CSMD2: variants seen among roughly 807,000 people sequenced by gnomAD.
The protein encoded by CSMD2 is CUB and sushi domain-containing protein 2.
CSMD2 carries 130 observed loss-of-function variants against 398.5 expected under a neutral mutation model. The observed-to-expected ratio is 0.33, with a 90% CI of 0.28 to 0.38. The LOEUF is 0.38. Ranked by LOEUF, CSMD2 falls within the 10% of genes least tolerant of loss-of-function variation. CSMD2 has a pLI of 1.00. For synonymous variants in CSMD2, 1,828 were observed against 1,908.5 expected, an observed-to-expected ratio of 0.96 and a Z score of 1.10; for missense variants, 3,829 against 4,764.9, an observed-to-expected ratio of 0.80 and a Z score of 5.78.
chr1:33,555,968 C>A (rs1264454964), intron 55 of CSMD2, among the ~76,000 whole-genome samples: 1 of 152,052 alleles, frequency 6.6e-6, no homozygotes, highest in Non-Finnish European at 1.5e-5. Flanking sequence ...TAAGCTGATT[C>A]TAACCCTCAT....
chr1:33,686,458 T>G (rs1218144677), intron 25 of CSMD2, among the ~76,000 whole-genome samples: 1 of 152,192 alleles, frequency 6.6e-6, no homozygotes, highest in African/African-American at 2.4e-5. Context: ...GAAGAAGCAC[T>G]TGCCAGATGC....
chr1:33,742,581 C>T (rs12120242), intron 14 of CSMD2, among the ~76,000 whole-genome samples: 15 of 109,488 alleles, frequency 1.4e-4, no homozygotes, highest in Non-Finnish European at 2.4e-4. Context: ...GCTTCTGCCC[C>T]CCCCCCCCCA....
rs1394190974 is a variant in CSMD2 at position 33,725,378 on chromosome 1, G to A, written c.2666C>T (p.Ser889Leu). The A allele has an allele frequency of 3.7e-6, 6 of 1,614,042 alleles. No individual in the cohort carries two copies. The highest frequency in any genetic ancestry group is 3.3e-5 in the South Asian group (3 of 91,040). Residue 889 changes from serine (S) to leucine (L), a missense_variant, in exon 17 of 71, where the codon TCG (serine) becomes TTG (leucine). By Grantham distance (145) the Ser-to-Leu change is moderately radical (BLOSUM62 -2). Transcript: ENST00000373381. ...YLLFSTDKSH[S>L]DIGFQLRYET... ...ATAGCGGAGCTGGAAGCCGATGTCC[G>A]AGTGACTCTTGTCGGTAGAGAAGAG...
chr1:33,805,552 A>T (rs1332246878), intron 10 of CSMD2, among the ~76,000 whole-genome samples: 1 of 152,212 alleles, frequency 6.6e-6, no homozygotes, highest in Non-Finnish European at 1.5e-5. Flanking sequence ...TTAAGGATTG[A>T]ATTATAATAT....
intron 4 of CSMD2, among the ~76,000 whole-genome samples, chr1:33,935,302 A>T (rs374497502): frequency 3.6e-4 from 55 of 152,222 alleles, no homozygotes; most frequent in African/African-American, 1.3e-3. Flanking sequence ...AGAGATTTTG[A>T]GCATATTTGG....
At chr1:33,933,942 T>A (rs1644388035) in intron 4 of CSMD2, among the ~76,000 whole-genome samples, 1 of 151,990 alleles carries the variant, frequency 6.6e-6, no homozygotes, top group Non-Finnish European at 1.5e-5. Context: ...GCTTGCCTAT[T>A]GGGAGGGAAT....
At chr1:33,782,940 T>C (rs1652980408) in intron 12 of CSMD2, among the ~76,000 whole-genome samples, 1 of 152,130 alleles carries the variant, frequency 6.6e-6, no homozygotes, top group Non-Finnish European at 1.5e-5. Context: ...CACTGCTCCA[T>C]GTGGCAGATG....
At chr1:33,528,421 A>C (rs1654972641) in intron 64 of CSMD2, among the ~76,000 whole-genome samples, 2 of 152,254 alleles carry the variant, frequency 1.3e-5, no homozygotes. Context: ...GGCGGGGAGC[A>C]CAGCTTTAGC....
At chr1:33,929,532 G>A (rs985363542) in intron 4 of CSMD2, among the ~76,000 whole-genome samples, 2 of 146,446 alleles carry the variant, frequency 1.4e-5, no homozygotes, top group African/African-American at 2.6e-5. Context: ...CCACCTCCCG[G>A]ATTCAAGAGA....
intron 4 of CSMD2, among the ~76,000 whole-genome samples, chr1:33,935,518 T>C (rs1417359965): frequency 6.6e-6 from 1 of 152,088 alleles, no homozygotes; most frequent in African/African-American, 2.4e-5. Context: ...TGGCTACATA[T>C]AAGTTTGTTG....
In CSMD2 at chr1:33,541,309, A is replaced by T. The variant is rs767043522; in HGVS notation, c.9278T>A (p.Val3093Asp). ...AATCCCAGGGTCACCACAGTTTATG[A>T]CTAGGATAAGAGAGATATAGCATTG... is the stretch of plus-strand genomic sequence containing the variant. ...TWTGSDPECL[V>D]INCGDPGIPA... Residue 3093 changes from valine to aspartate, a missense_variant and splice_region_variant, in exon 59 of 71, where the codon GTC becomes GAC. By Grantham distance (152) the Val-to-Asp change is radical. Around this residue, in one of 5 missense-constraint regions of CSMD2, gnomAD observed 917 missense variants for 1,199.5 expected, o/e 0.76. Coordinates refer to ENST00000373381, the MANE Select transcript of CSMD2 (RefSeq NM_001281956.2). 12 of 1,613,346 alleles carry T rather than the reference A, an allele frequency of 7.4e-6. No homozygotes were observed. In the East Asian group the frequency reaches 2.5e-4, roughly 33 times the overall value.
In CSMD2 at chr1:33,739,212, C is replaced by T; in HGVS notation, c.2296G>A (p.Gly766Ser). The T allele has an allele frequency of 6.2e-7, 1 of 1,614,192 alleles. No individual in the cohort carries two copies. Among genetic ancestry groups the T allele is most frequent in the Non-Finnish European group, 8.5e-7 (1 of 1,180,034 alleles). The change falls in exon 15 of 71, where the codon GGC becomes AGC. Residue 766 changes from glycine to serine, a missense_variant. Physicochemically the swap from Gly to Ser is moderately conservative, Grantham distance 56. This residue lies in a region of CSMD2 where 2,001 missense variants were observed against 2,567.1 expected (regional missense o/e 0.78). Transcript: ENST00000373381. ...LCDEGFLGTQ[G>S]SETITCVLKE... ...AGGACGCAGGTGATGGTCTCTGAGC[C>T]CTGAGTCCCAAGGAAGCCTTCATCA...
intron 2 of CSMD2, among the ~76,000 whole-genome samples, chr1:34,060,185 T>C (rs1173400555): frequency 2.0e-5 from 3 of 152,084 alleles, no homozygotes; most frequent in Non-Finnish European, 2.9e-5. Context: ...GTCAGGGGAA[T>C]GAACATCCTA....
rs940656207 is a variant in CSMD2, at chr1:33,546,086, G to A, written c.9051C>T (p.Arg3017=). ...AGHVLRGSSE[R]TCQANGSWSG... ...TCCACGAGCCATTGGCTTGACAGGTGCGCTCTGACGATCCCCGGAGCACGT... is the reference window on the plus strand; with the variant it reads ...TCCACGAGCCATTGGCTTGACAGGTACGCTCTGACGATCCCCGGAGCACGT... Residue 3017 remains arginine (R), a synonymous_variant, in exon 57 of 71, where the codon CGC becomes CGT. Transcript: ENST00000373381. 8 of 1,613,990 alleles carry A rather than the reference G, an allele frequency of 5.0e-6. No individual in the cohort carries two copies. The highest frequency in any genetic ancestry group is 1.3e-5 in the African/African-American group (1 of 74,930).
chr1:34,073,683 T>C (rs1475334636), intron 2 of CSMD2, among the ~76,000 whole-genome samples: 1 of 152,158 alleles, frequency 6.6e-6, no homozygotes, highest in Non-Finnish European at 1.5e-5. Context: ...TGAATGCAAA[T>C]AAATCCAAAG....
rs768719089 is a variant in CSMD2, at chr1:33,636,427, C to T, written c.4902G>A (p.Ser1634=). The T allele has an allele frequency of 8.1e-6, 13 of 1,613,970 alleles. No homozygotes were observed. The highest frequency in any genetic ancestry group is 3.3e-5 in the South Asian group (3 of 91,066). ...CAGGCCCCAGGATGCAGCTCAGGGT[C>T]GAGGTGCCCTCAACTTCGTAGCCCC... ...CHGGYEVEGT[S]TLSCILGPDG... The change falls in exon 30 of 71, where the codon TCG becomes TCA. Residue 1634 remains serine (S), a synonymous_variant. Coordinates refer to ENST00000373381, the MANE Select transcript of CSMD2 (RefSeq NM_001281956.2). This position sits in a 1 kb window ranked among gnomAD's most constrained non-coding sequence, Gnocchi z 4.8.
intron 8 of CSMD2, among the ~76,000 whole-genome samples, chr1:33,820,132 A>G (rs1412018663): frequency 1.3e-5 from 2 of 152,154 alleles, no homozygotes; most frequent in African/African-American, 2.4e-5. Context: ...GATGATACCC[A>G]TAAACTTTAA....
intron 3 of CSMD2, among the ~76,000 whole-genome samples, chr1:33,978,288 G>C (rs1056486174): frequency 9.9e-5 from 15 of 152,152 alleles, no homozygotes; most frequent in Non-Finnish European, 4.4e-5. Context: ...AAGCAGCTGG[G>C]TGTAATGGGA....
chr1:34,034,812 A>T (rs139560034), intron 2 of CSMD2, among the ~76,000 whole-genome samples: 1 of 152,228 alleles, frequency 6.6e-6, no homozygotes, highest in African/African-American at 2.4e-5. Flanking sequence ...AAAAACTGTA[A>T]AAGATAATGA....
Sources: gnomAD v4.1 joint callset for allele counts (sites outside exome capture counted in the v4.1 genomes callset) on GRCh38, gnomAD v4.1.1 for gene constraint, gnomAD v4.1.1 regional missense constraint, Gnocchi (gnomAD v3.1) non-coding constraint, MANE v1.5 for transcripts, NCBI Gene and HGNC (gene_info 2026-07-23, HGNC 2026-07-21) for gene names.